The following LEMD2 variants were observed in gnomAD, a reference collection of about 807,000 sequenced individuals.
The protein encoded by LEMD2 is LEM domain-containing protein 2.
LEMD2 carries 34 observed loss-of-function variants against 58.8 expected under a neutral mutation model. The observed-to-expected ratio is 0.58, with a 90% CI of 0.44 to 0.77. The LOEUF is 0.77. Among genes scored for constraint, LEMD2 ranks in the 30% least tolerant of loss-of-function variants. The pLI is 0.00. For synonymous variants in LEMD2, 298 were observed against 308.9 expected, an observed-to-expected ratio of 0.96 and a Z score of 0.37; for missense variants, 629 against 717.9, an observed-to-expected ratio of 0.88 and a Z score of 1.42.
chr6:33,772,914 A>C, intron 8 of LEMD2, 136 bp from the exon 9 acceptor site: 1 of 732,790 alleles, frequency 1.4e-6, no homozygotes, highest in Non-Finnish European at 2.2e-6. Flanking sequence ...GCAGGTACTA[A>C]CATGACAACT....
At chr6:33,774,922 T>C (rs1165263776) in intron 8 of LEMD2, among the ~76,000 whole-genome samples, 5 of 152,160 alleles carry the variant, frequency 3.3e-5, no homozygotes, top group Admixed American at 1.3e-4. Flanking sequence ...TGTGACCCAG[T>C]AGGGTGTCTG....
At position 33,781,064 on chromosome 6, in the gene LEMD2, GA is replaced by G; in HGVS notation, c.930+12del. On this transcript the variant is annotated intron_variant, in intron 4 of 8. Transcript: ENST00000293760. ...GCCCTCCCAGGAATGTATAAGCACT[GA>G]AGCCTACTTACGGCTATATATTCTT... 6.3e-7 allele frequency: 1 copy of G among 1,588,528 alleles called. No homozygotes were observed. The highest frequency in any genetic ancestry group is 8.6e-7 in the Non-Finnish European group (1 of 1,157,196).
At position 33,789,007 on chromosome 6, in the gene LEMD2, C is replaced by A; in HGVS notation, c.110G>T (p.Arg37Leu). The A allele has an allele frequency of 6.4e-7, 1 of 1,552,430 alleles. No homozygotes were observed. The change falls in exon 1 of 9, where the codon CGC (arginine) becomes CTC (leucine). Residue 37 changes from arginine to leucine, a missense_variant. Physicochemically the swap from Arg to Leu is moderately radical, Grantham distance 102. Transcript: ENST00000293760. ...GCGCAGCCGGGCCTCGCCCCGCAGG[C>A]GGCGCAGCTTGTTGCGGTAGACATC... is the stretch of plus-strand genomic sequence containing the variant. ...TRDVYRNKLRRLRGEARLRDE... is the reference protein window; with the variant it reads ...TRDVYRNKLRLLRGEARLRDE...
intron 4 of LEMD2, 121 bp downstream of exon 4, chr6:33,780,956 A>T: frequency 1.5e-6 from 1 of 660,318 alleles, no homozygotes; most frequent in Non-Finnish European, 2.6e-6. Flanking sequence ...ACCTTAACTT[A>T]AGGTAGCCTA....
Position 33,772,927 on chromosome 6 carries a change from AGAG to A in LEMD2, c.1362-152_1362-150del, listed in dbSNP as rs70996802. 89,642 of 659,974 alleles carry A rather than the reference AGAG, an allele frequency of 0.14. 7,303 individuals carry two copies. Among genetic ancestry groups the A allele is most frequent in the Middle Eastern group, 0.18 (420 of 2,368 alleles). 40.9% of individuals were successfully genotyped at this position (659,974 alleles called of 1,614,324 possible). A position where few individuals can be genotyped will look rare whatever the true frequency, so the allele number is the denominator to read the frequency against. On this transcript the variant is annotated intron_variant, in intron 8 of 8. Transcript: ENST00000293760. ...TGGCAGGTACTAACATGACAACTGC[AGAG>A]GAGAAAAACGTCTTGGGCCATAGAG...
Position 33,781,110 on chromosome 6 carries a change from G to A in LEMD2, c.897C>T (p.Cys299=). The change falls in exon 4 of 9, where the codon TGC becomes TGT. Residue 299 remains cysteine, a synonymous_variant. Coordinates refer to ENST00000293760, the MANE Select transcript of LEMD2 (RefSeq NM_181336.4). ...CGNPENLKSK[C]IPVMEAQEYI... ...ATTCTTGGGCTTCCATAACAGGAAT[G>A]CATTTGCTTTTTAGATTCTCTGGAT... is the stretch of plus-strand genomic sequence containing the variant. 1.2e-6 allele frequency: 2 copies of A among 1,613,386 alleles called. No individual in the cohort carries two copies. The highest frequency in any genetic ancestry group is 8.5e-7 in the Non-Finnish European group (1 of 1,179,476).
At position 33,788,860 on chromosome 6, in the gene LEMD2, TCCGCCCGCGGAGAGGCCGCGGCGGG is replaced by T. The variant is rs1239589915; in HGVS notation, c.232_256del (p.Pro78SerfsTer30). The T allele has an allele frequency of 6.5e-6, 9 of 1,383,386 alleles. No homozygotes were observed. Among genetic ancestry groups the T allele is most frequent in the Non-Finnish European group, 8.4e-6 (9 of 1,075,922 alleles). 85.7% of individuals were successfully genotyped at this position (1,383,386 alleles called of 1,614,324 possible). ...CGAGGCCGGCTGGGAGAGCCAGGGC[TCCGCCCGCGGAGAGGCCGCGGCGGG>T]CCGGGCGCGCAGCGGCGCATCCTCG... On this transcript the variant is annotated frameshift_variant, in exon 1 of 9. Transcript: ENST00000293760. LOFTEE classifies it high-confidence loss of function.
At position 33,788,543 on chromosome 6, in the gene LEMD2, G is replaced by A; in HGVS notation, c.574C>T (p.Pro192Ser). 6.8e-7 allele frequency: 1 copy of A among 1,464,110 alleles called. No individual in the cohort carries two copies. Among genetic ancestry groups the A allele is most frequent in the Non-Finnish European group, 9.0e-7 (1 of 1,110,050 alleles). 90.7% of individuals were successfully genotyped at this position (1,464,110 alleles called of 1,614,324 possible). A position where few individuals can be genotyped will look rare whatever the true frequency, so the allele number is the denominator to read the frequency against. Residue 192 changes from proline (P) to serine (S), a missense_variant, in exon 1 of 9, where the codon CCT (proline) becomes TCT (serine). Physicochemically the swap from Pro to Ser is moderately conservative, Grantham distance 74 (BLOSUM62 -1). Coordinates refer to ENST00000293760, the MANE Select transcript of LEMD2 (RefSeq NM_181336.4). Reference sequence around the variant, plus strand: ...GGCCGGGCCCTCGCCGCGCCAGCAGGGCCCGCTCGAGTCGCCCGCAGGCCC... The same window carrying A: ...GGCCGGGCCCTCGCCGCGCCAGCAGAGCCCGCTCGAGTCGCCCGCAGGCCC... The part of the protein sequence containing the change: ...RPGLRATRAG[P>S]AGAARARPEV...
In LEMD2 at chr6:33,778,198, T is replaced by C. The variant is rs1308682125; in HGVS notation, c.1156+44A>G. ...AGCTCATCATTCATGCCTAGGAGTA[T>C]GCTTGACTGCACAGAAGGGGAGGGA... is the stretch of plus-strand genomic sequence containing the variant. On this transcript the variant is annotated intron_variant, in intron 6 of 8. Transcript: ENST00000293760. The surrounding 1 kb of genome is among the most constrained non-coding windows in gnomAD (Gnocchi z 4.7). The C allele has an allele frequency of 1.3e-6, 2 of 1,528,526 alleles. No individual in the cohort carries two copies. Among genetic ancestry groups the C allele is most frequent in the Non-Finnish European group, 8.8e-7 (1 of 1,133,306 alleles). The allele number at this position is 1,528,526 out of a possible 1,614,324, so 94.7% of individuals were successfully genotyped here. A position where few individuals can be genotyped will look rare whatever the true frequency, so the allele number is the denominator to read the frequency against.
At position 33,777,385 on chromosome 6, in the gene LEMD2, G is replaced by A. The variant is rs555585071; in HGVS notation, c.1157-146C>T. 2.5e-4 allele frequency: 174 copies of A among 690,840 alleles called. 2 individuals are homozygous for A. The highest frequency in any genetic ancestry group is 1.7e-3 in the Middle Eastern group (5 of 2,892). The allele number at this position is 690,840 out of a possible 1,614,324, so 42.8% of individuals were successfully genotyped here. ...TGTGTCAGGCTCAGGGCCAGCATGC[G>A]AGAAACAAAAGATACAGAAATGCAG... On this transcript the variant is annotated intron_variant, in intron 6 of 8. Transcript: ENST00000293760.
At chr6:33,777,324 G>A in intron 6 of LEMD2, 85 bp from the exon 7 acceptor site, 1 of 939,612 alleles carries the variant, frequency 1.1e-6, no homozygotes, top group Non-Finnish European at 1.8e-6. Context: ...GATGGATGCT[G>A]TGGGGGATCC....
At chr6:33,780,925 G>A in intron 4 of LEMD2, 152 bp downstream of exon 4, 1 of 602,714 alleles carries the variant, frequency 1.7e-6, no homozygotes, top group Non-Finnish European at 2.9e-6. Context: ...AGGTAGTCTA[G>A]CACAAAAAGC....
chr6:33,778,414 A>T lies in LEMD2; in HGVS notation c.1011-27T>A, dbSNP rs1187474475. 1.4e-6 allele frequency: 2 copies of T among 1,461,778 alleles called. No homozygotes were observed. Among genetic ancestry groups the T allele is most frequent in the Non-Finnish European group, 1.8e-6 (2 of 1,098,356 alleles). The allele number at this position is 1,461,778 out of a possible 1,614,324, so 90.6% of individuals were successfully genotyped here. A position where few individuals can be genotyped will look rare whatever the true frequency, so the allele number is the denominator to read the frequency against. ...TGAAACAGGACACAGGGCTCTGAAC[A>T]TGTTGGAAAGCTCCAAGGAGAGGCA... On this transcript the variant is annotated intron_variant, in intron 5 of 8. Coordinates refer to ENST00000293760, the MANE Select transcript of LEMD2 (RefSeq NM_181336.4). The surrounding 1 kb of genome is among the most constrained non-coding windows in gnomAD (Gnocchi z 4.7).
intron 8 of LEMD2, among the ~76,000 whole-genome samples, chr6:33,774,122 A>G (rs1767372998): frequency 6.6e-6 from 1 of 151,470 alleles, no homozygotes; most frequent in South Asian, 2.1e-4. Flanking sequence ...TTTAAGCCCA[A>G]GGCATAATGG....
At chr6:33,779,970 T>G (rs954994340) in intron 5 of LEMD2, 130 bp downstream of exon 5, 4 of 741,214 alleles carry the variant, frequency 5.4e-6, no homozygotes, top group Non-Finnish European at 6.9e-6. Context: ...CTAACCCACA[T>G]GATTCTGCTG....
chr6:33,785,321 T>A (rs185140760), intron 2 of LEMD2, among the ~76,000 whole-genome samples: 177 of 152,286 alleles, frequency 1.2e-3, no homozygotes, highest in African/African-American at 4.1e-3. Context: ...AAAGCCTGCA[T>A]TGAGATGGCC....
At chr6:33,779,617 G>A (rs1767518586) in intron 5 of LEMD2, 1 of 155,386 alleles carries the variant, frequency 6.4e-6, no homozygotes, top group Non-Finnish European at 1.4e-5. Context: ...TTTTCTAACA[G>A]TGCTCACCAG....
chr6:33,784,538 C>A, intron 2 of LEMD2, 111 bp from the exon 3 acceptor site: 1 of 701,294 alleles, frequency 1.4e-6, no homozygotes. Flanking sequence ...CAAGGAATAT[C>A]TCATACTTTT....
At chr6:33,775,416 C>T (rs764667793) in intron 8 of LEMD2, among the ~76,000 whole-genome samples, 2 of 152,174 alleles carry the variant, frequency 1.3e-5, no homozygotes, top group Admixed American at 6.5e-5. Context: ...CTCCTGGGCT[C>T]GAGTGATCCT....
Sources: allele counts gnomAD v4.1 joint callset (sites outside exome capture counted in the v4.1 genomes callset), GRCh38; gene constraint gnomAD v4.1.1; non-coding constraint Gnocchi (gnomAD v3.1); transcripts MANE v1.5; gene names NCBI Gene and HGNC (gene_info 2026-07-23, HGNC 2026-07-21).